The following BCL2L1 variants were observed in gnomAD, a reference collection of about 807,000 sequenced individuals.
BCL2L1 encodes bcl-2-like protein 1.
BCL2L1 carries 1 observed loss-of-function variant against 18.7 expected under a neutral mutation model. That is an observed-to-expected ratio of 0.05 (90% CI 0.02 to 0.25). BCL2L1 has a LOEUF of 0.25. Among genes scored for constraint, BCL2L1 ranks in the 10% least tolerant of loss-of-function variants. The probability of loss-of-function intolerance (pLI) is 1.00; values close to 1 mark genes in which losing one functional copy is unlikely to be tolerated. For missense variants in BCL2L1, 207 were observed against 304.9 expected (o/e 0.68, Z 2.39); for synonymous variants, 103 against 122.7 (o/e 0.84, Z 1.06).
upstream of BCL2L1, chr20:31,723,208 C>T: frequency 1.1e-6 from 1 of 897,586 alleles, no homozygotes; most frequent in Non-Finnish European, 1.3e-6. Context: ...CCAACAAATG[C>T]CGCTGGTTTG....
intron 2 of BCL2L1, among the ~76,000 whole-genome samples, chr20:31,679,343 A>G (rs2060817987): frequency 6.6e-6 from 1 of 152,124 alleles, no homozygotes; most frequent in African/African-American, 2.4e-5. Flanking sequence ...CGTCACAGAG[A>G]TGTGTGGTTC....
intron 2 of BCL2L1, among the ~76,000 whole-genome samples, chr20:31,666,970 T>A (rs6121038): frequency 1.3e-5 from 2 of 152,004 alleles, no homozygotes; most frequent in African/African-American, 2.4e-5. Flanking sequence ...AGAACATAAC[T>A]TTTATGAGTA....
At chr20:31,708,903 C>T (rs1224327599) in intron 2 of BCL2L1, among the ~76,000 whole-genome samples, 1 of 152,156 alleles carries the variant, frequency 6.6e-6, no homozygotes, top group African/African-American at 2.4e-5. Context: ...GCCAGAGTTG[C>T]CAAAAGGCTT....
chr20:31,673,580 G>T (rs2060709319), intron 2 of BCL2L1, among the ~76,000 whole-genome samples: 1 of 152,080 alleles, frequency 6.6e-6, no homozygotes, highest in African/African-American at 2.4e-5. Flanking sequence ...AGCCTGGGAG[G>T]TCAGGGCTGC....
At chr20:31,715,222 AG>A (rs1269253018) in intron 2 of BCL2L1, among the ~76,000 whole-genome samples, 2 of 151,174 alleles carry the variant, frequency 1.3e-5, no homozygotes, top group Non-Finnish European at 2.9e-5. Flanking sequence ...CAGTGAGCAG[AG>A]ATCGTGCCAC....
At chr20:31,695,255 C>G (rs1242053004) in intron 2 of BCL2L1, among the ~76,000 whole-genome samples, 1 of 152,198 alleles carries the variant, frequency 6.6e-6, no homozygotes, top group Non-Finnish European at 1.5e-5. Flanking sequence ...TTCTCCACAT[C>G]AGAGAGATCC....
At chr20:31,721,574 A>G in intron 2 of BCL2L1, 81 bp downstream of exon 2, 1 of 1,468,884 alleles carries the variant, frequency 6.8e-7, no homozygotes, top group Non-Finnish European at 9.1e-7. Flanking sequence ...AACACAACAG[A>G]AAGAGATACA....
intron 2 of BCL2L1, chr20:31,720,968 T>C: frequency 3.0e-6 from 3 of 985,348 alleles, no homozygotes; most frequent in Non-Finnish European, 3.6e-6. Flanking sequence ...ACACAGCAAG[T>C]GCTCCACAAA....
At chr20:31,699,623 C>T (rs2061244009) in intron 2 of BCL2L1, among the ~76,000 whole-genome samples, 1 of 152,224 alleles carries the variant, frequency 6.6e-6, no homozygotes, top group Non-Finnish European at 1.5e-5. Context: ...ACCAACAATC[C>T]TTCATTTATT....
intron 2 of BCL2L1, among the ~76,000 whole-genome samples, chr20:31,712,131 A>T (rs1175251951): frequency 6.6e-6 from 1 of 152,178 alleles, no homozygotes; most frequent in Non-Finnish European, 1.5e-5. Context: ...GCCTATAACG[A>T]TAAGGTTGTT....
chr20:31,666,854 T>A (rs1021039387), intron 2 of BCL2L1, among the ~76,000 whole-genome samples: 2 of 152,114 alleles, frequency 1.3e-5, no homozygotes, highest in African/African-American at 2.4e-5. Context: ...CCCTCTGCCC[T>A]GAATCTAAGT....
intron 2 of BCL2L1, among the ~76,000 whole-genome samples, chr20:31,701,342 A>G (rs1358908483): frequency 6.6e-6 from 1 of 152,134 alleles, no homozygotes; most frequent in Non-Finnish European, 1.5e-5. Flanking sequence ...GTGAGCCACC[A>G]CGCCCGGCCT....
At chr20:31,711,836 A>G (rs1045436907) in intron 2 of BCL2L1, among the ~76,000 whole-genome samples, 2 of 152,200 alleles carry the variant, frequency 1.3e-5, no homozygotes, top group Admixed American at 1.3e-4. Context: ...AGTTTGGTAA[A>G]TTGAAAGTAT....
At position 31,665,163 on chromosome 20, in the gene BCL2L1, C is replaced by G. The variant is rs2060568638; in HGVS notation, c.*786G>C. 5.7e-6 allele frequency: 1 copy of G among 176,720 alleles called. No homozygotes were observed. The highest frequency in any genetic ancestry group is 1.2e-5 in the Non-Finnish European group (1 of 81,878). 10.9% of individuals were successfully genotyped at this position (176,720 alleles called of 1,614,324 possible). A position where few individuals can be genotyped will look rare whatever the true frequency, so the allele number is the denominator to read the frequency against. ...GAGGCCATAAACAGCTCTGGGGCAT[C>G]TGTCTTGGGCCCAGTTGGTCCCTCA... On this transcript the variant is annotated 3_prime_UTR_variant, in exon 3 of 3. Transcript: ENST00000307677.
chr20:31,669,351 G>T (rs767053152), intron 2 of BCL2L1, among the ~76,000 whole-genome samples: 5 of 151,208 alleles, frequency 3.3e-5, no homozygotes, highest in Admixed American at 6.6e-5. Context: ...GAGCCACCAT[G>T]CCCGGCCTCA....
At chr20:31,681,869 C>A (rs560034969) in intron 2 of BCL2L1, among the ~76,000 whole-genome samples, 12 of 152,308 alleles carry the variant, frequency 7.9e-5, no homozygotes, top group African/African-American at 2.9e-4. Flanking sequence ...CATTTGCTCA[C>A]CAGGCCTCAA....
chr20:31,703,125 A>C (rs1479009056), intron 2 of BCL2L1, among the ~76,000 whole-genome samples: 3 of 148,332 alleles, frequency 2.0e-5, no homozygotes, highest in African/African-American at 7.5e-5. Context: ...GCTCACTGCA[A>C]CCTCCACCTC....
intron 2 of BCL2L1, among the ~76,000 whole-genome samples, chr20:31,715,159 C>G (rs1234236983): frequency 6.6e-6 from 1 of 151,846 alleles, no homozygotes; most frequent in Non-Finnish European, 1.5e-5. Flanking sequence ...GCAGTCCCAG[C>G]TACTTGGGAG....
intron 2 of BCL2L1, among the ~76,000 whole-genome samples, chr20:31,687,772 G>A (rs2060987894): frequency 6.6e-6 from 1 of 151,908 alleles, no homozygotes; most frequent in Non-Finnish European, 1.5e-5. Context: ...TCAGACATAT[G>A]TGGGTTCCTC....
Sources: gnomAD v4.1 joint callset for allele counts (sites outside exome capture counted in the v4.1 genomes callset) on GRCh38, gnomAD v4.1.1 for gene constraint, MANE v1.5 for transcripts, NCBI Gene and HGNC (gene_info 2026-07-23, HGNC 2026-07-21) for gene names.